The following XYLT1 variants were observed in gnomAD, a reference collection of about 807,000 sequenced individuals.
XYLT1 encodes the protein xylosyltransferase 1.
In XYLT1, 36 loss-of-function variants were observed where a neutral mutation model predicts 91.3. That is an observed-to-expected ratio of 0.39 (90% confidence interval 0.30 to 0.52). XYLT1 has a LOEUF of 0.52. Among genes scored for constraint, XYLT1 ranks in the 20% least tolerant of loss-of-function variants. The probability of loss-of-function intolerance (pLI) is 0.68; values close to 1 mark genes in which losing one functional copy is unlikely to be tolerated. For missense variants in XYLT1, 1,242 were observed against 1,284.5 expected (o/e 0.97, Z 0.51); for synonymous variants, 588 against 532.0 (o/e 1.11, Z -1.45).
intron 6 of XYLT1, among the ~76,000 whole-genome samples, chr16:17,154,861 T>G (rs1390717315): frequency 6.6e-6 from 1 of 152,184 alleles, no homozygotes; most frequent in Non-Finnish European, 1.5e-5. Flanking sequence ...TACGTGGAAT[T>G]AAAAACCGAG....
chr16:17,328,416 G>A (rs2034845312), intron 2 of XYLT1, among the ~76,000 whole-genome samples: 2 of 151,752 alleles, frequency 1.3e-5, no homozygotes, highest in Non-Finnish European at 2.9e-5. Context: ...AGGCATGGTG[G>A]CGCACATCTG....
intron 2 of XYLT1, among the ~76,000 whole-genome samples, chr16:17,300,284 T>C (rs2034373806): frequency 6.6e-6 from 1 of 152,162 alleles, no homozygotes; most frequent in Non-Finnish European, 1.5e-5. Context: ...CACATTTAAC[T>C]TGCATTTAAG....
At chr16:17,128,636 T>G (rs1335389368) in intron 9 of XYLT1, among the ~76,000 whole-genome samples, 1 of 152,194 alleles carries the variant, frequency 6.6e-6, no homozygotes, top group Non-Finnish European at 1.5e-5. Context: ...TGATTGCCAA[T>G]CTGAGATAAA....
At chr16:17,200,428 G>C in intron 4 of XYLT1, 54 bp downstream of exon 4, 1 of 1,585,342 alleles carries the variant, frequency 6.3e-7, no homozygotes, top group South Asian at 1.1e-5. Flanking sequence ...ATCAGGGAGG[G>C]ACGGACAGAC....
intron 2 of XYLT1, among the ~76,000 whole-genome samples, chr16:17,349,905 G>A (rs558349553): frequency 2.0e-4 from 30 of 151,500 alleles, no homozygotes; most frequent in African/African-American, 7.0e-4. Flanking sequence ...ACGGAGTCTC[G>A]CTCTGTTGCC....
chr16:17,467,654 G>A (rs1195355403), intron 1 of XYLT1, among the ~76,000 whole-genome samples: 1 of 152,104 alleles, frequency 6.6e-6, no homozygotes, highest in Admixed American at 6.5e-5. Context: ...AATACAATCA[G>A]GGCCTTCCAC....
At chr16:17,465,746 G>A (rs1013194423) in intron 1 of XYLT1, among the ~76,000 whole-genome samples, 5 of 152,278 alleles carry the variant, frequency 3.3e-5, no homozygotes, top group African/African-American at 9.6e-5. Context: ...ACGGGAAAAT[G>A]AATAACTGCA....
chr16:17,428,959 G>A (rs1165930944), intron 1 of XYLT1, among the ~76,000 whole-genome samples: 4 of 152,108 alleles, frequency 2.6e-5, no homozygotes, highest in Non-Finnish European at 5.9e-5. Flanking sequence ...GAGGATGCAG[G>A]GCCATTGGGA....
intron 1 of XYLT1, among the ~76,000 whole-genome samples, chr16:17,423,972 A>G (rs1206442718): frequency 6.6e-6 from 1 of 152,132 alleles, no homozygotes; most frequent in Non-Finnish European, 1.5e-5. Flanking sequence ...GTCCTATAGC[A>G]AAATCCATGG....
intron 3 of XYLT1, among the ~76,000 whole-genome samples, chr16:17,229,559 G>T (rs1454072484): frequency 6.6e-6 from 1 of 152,218 alleles, no homozygotes; most frequent in Non-Finnish European, 1.5e-5. Context: ...GTCAATGAGA[G>T]AAGTAGGCCA....
intron 3 of XYLT1, among the ~76,000 whole-genome samples, chr16:17,206,578 C>T (rs543170276): frequency 1.6e-4 from 25 of 152,172 alleles, no homozygotes; most frequent in African/African-American, 6.0e-4. Context: ...ACTTATCATG[C>T]TTGCGTCAAA....
At chr16:17,139,335 C>A (rs1415267157) in intron 7 of XYLT1, among the ~76,000 whole-genome samples, 1 of 152,156 alleles carries the variant, frequency 6.6e-6, no homozygotes, top group Non-Finnish European at 1.5e-5. Context: ...TAAACCAGTC[C>A]TCTTGAAGTG....
At chr16:17,340,721 A>G (rs947019567) in intron 2 of XYLT1, among the ~76,000 whole-genome samples, 3 of 152,236 alleles carry the variant, frequency 2.0e-5, no homozygotes, top group Non-Finnish European at 4.4e-5. Flanking sequence ...GAGATTAAAG[A>G]GAATCTTCCT....
intron 2 of XYLT1, among the ~76,000 whole-genome samples, chr16:17,283,218 C>A (rs1282777114): frequency 6.6e-6 from 1 of 152,168 alleles, no homozygotes; most frequent in Admixed American, 6.5e-5. Context: ...GCAGATGGAG[C>A]CCAGGCAGCA....
chr16:17,173,684 A>T (rs564185569), intron 5 of XYLT1, among the ~76,000 whole-genome samples: 1 of 152,394 alleles, frequency 6.6e-6, no homozygotes, highest in African/African-American at 2.4e-5. Context: ...AGGCAGATAC[A>T]TCAGCAGGTC....
chr16:17,164,315 A>ACGC (rs1491439947), intron 5 of XYLT1, among the ~76,000 whole-genome samples: 1 of 150,170 alleles, frequency 6.7e-6, no homozygotes, highest in African/African-American at 2.4e-5. Context: ...TTTTGGAGAC[A>ACGC]GAGTCTTGCC....
At chr16:17,295,564 C>T (rs1328464619) in intron 2 of XYLT1, among the ~76,000 whole-genome samples, 1 of 152,086 alleles carries the variant, frequency 6.6e-6, no homozygotes, top group African/African-American at 2.4e-5. Flanking sequence ...CCAGGTTGGC[C>T]GGGCTGGTCT....
chr16:17,310,666 T>C (rs780108494), intron 2 of XYLT1, among the ~76,000 whole-genome samples: 1 of 152,098 alleles, frequency 6.6e-6, no homozygotes, highest in African/African-American at 2.4e-5. Flanking sequence ...CTGGCTAACA[T>C]GGCGAAACCC....
chr16:17,443,369 G>C (rs1276030840), intron 1 of XYLT1, among the ~76,000 whole-genome samples: 2 of 152,120 alleles, frequency 1.3e-5, no homozygotes, highest in South Asian at 2.1e-4. Flanking sequence ...GGACCTGGTG[G>C]GAAGTGATTG....
Sources: allele counts gnomAD v4.1 joint callset (sites outside exome capture counted in the v4.1 genomes callset), GRCh38; gene constraint gnomAD v4.1.1; transcripts MANE v1.5; gene names NCBI Gene and HGNC (gene_info 2026-07-23, HGNC 2026-07-21).